COL11A1: variants seen among roughly 807,000 people sequenced by gnomAD.
COL11A1 encodes collagen alpha-1(XI) chain.
Under a neutral mutation model 265.2 loss-of-function variants are expected in COL11A1, and 74 were observed. The observed-to-expected ratio is 0.28, with a 90% CI of 0.23 to 0.34. The LOEUF is 0.34. COL11A1 is among the 10% of genes least tolerant of loss of function. The probability of loss-of-function intolerance (pLI) is 1.00; values close to 1 mark genes in which losing one functional copy is unlikely to be tolerated. For synonymous variants in COL11A1, 816 were observed against 727.6 expected (o/e 1.12, Z -1.96); for missense variants, 2,165 against 2,263.6 (o/e 0.96, Z 0.88).
chr1:102,964,714 C>T lies in COL11A1; in HGVS notation c.2916+773G>A, dbSNP rs1033252403. Among the ~76,000 whole-genome samples the T allele has an allele frequency of 3.4e-4, 51 of 151,724 alleles. 1 individual carries two copies. The highest frequency in any genetic ancestry group is 3.3e-3 in the Admixed American group (50 of 15,194). Reference sequence around the variant, plus strand: ...TTTAGAGACAGAGAAAAGACTAAACCAATTAAATAATTAAAATACGTATTC... The same window carrying T: ...TTTAGAGACAGAGAAAAGACTAAACTAATTAAATAATTAAAATACGTATTC... On this transcript the variant is annotated intron_variant, in intron 38 of 66. Coordinates refer to ENST00000370096, the MANE Select transcript of COL11A1 (RefSeq NM_001854.4).
chr1:103,003,428 T>C (rs1665318958), intron 20 of COL11A1, among the ~76,000 whole-genome samples, 160 bp from the exon 21 acceptor site: 1 of 152,166 alleles, frequency 6.6e-6, no homozygotes, highest in African/African-American at 2.4e-5. Context: ...AAATATCTAG[T>C]GTTTATACTG....
At chr1:103,030,373 T>C (rs1209472156) in intron 5 of COL11A1, among the ~76,000 whole-genome samples, 1 of 152,052 alleles carries the variant, frequency 6.6e-6, no homozygotes, top group African/African-American at 2.4e-5. Context: ...TGAATTCACA[T>C]GCAGAACTAA....
chr1:102,975,114 G>A (rs1192007539), intron 35 of COL11A1, among the ~76,000 whole-genome samples: 1 of 151,840 alleles, frequency 6.6e-6, no homozygotes, highest in Non-Finnish European at 1.5e-5. Flanking sequence ...GTTACCTCAG[G>A]AACACTGTAA....
At chr1:103,028,783 G>T (rs35196641) in intron 5 of COL11A1, among the ~76,000 whole-genome samples, 12,049 of 152,102 alleles carry the variant, frequency 0.079, 529 homozygotes, top group Middle Eastern at 0.14. Context: ...ATTTTGAAAA[G>T]CTAATTGTTT....
chr1:102,882,106 G>A (rs1232714069), intron 64 of COL11A1, among the ~76,000 whole-genome samples: 1 of 152,096 alleles, frequency 6.6e-6, no homozygotes, highest in Non-Finnish European at 1.5e-5. Context: ...TCCTCAAAAT[G>A]TCAGTCAGCT....
intron 65 of COL11A1, among the ~76,000 whole-genome samples, chr1:102,881,239 T>C (rs926175876): frequency 1.3e-5 from 2 of 152,170 alleles, no homozygotes; most frequent in Admixed American, 1.3e-4. Flanking sequence ...AATGAACTGG[T>C]AATTGTATGG....
At chr1:103,030,789 C>A (rs1483003562) in intron 5 of COL11A1, 1 of 343,798 alleles carries the variant, frequency 2.9e-6, no homozygotes, top group Non-Finnish European at 5.7e-6. Flanking sequence ...TATCTTGAGG[C>A]TGTTAATTAT....
intron 1 of COL11A1, among the ~76,000 whole-genome samples, chr1:103,091,982 T>C (rs1418560191): frequency 1.3e-5 from 2 of 152,162 alleles, no homozygotes; most frequent in Admixed American, 1.3e-4. Flanking sequence ...TGTAAATGTA[T>C]TTTCTTACAA....
chr1:102,968,824 C>G (rs1189952763), intron 37 of COL11A1, among the ~76,000 whole-genome samples: 1 of 152,182 alleles, frequency 6.6e-6, no homozygotes, highest in African/African-American at 2.4e-5. Flanking sequence ...GTTTAAATCT[C>G]AATGTTATAT....
At chr1:103,063,908 C>T (rs1670868317) in intron 4 of COL11A1, among the ~76,000 whole-genome samples, 1 of 152,030 alleles carries the variant, frequency 6.6e-6, no homozygotes, top group Non-Finnish European at 1.5e-5. Flanking sequence ...TGTTGAACAC[C>T]TCAACAAGGA....
chr1:103,022,665 G>T (rs1667189332), intron 8 of COL11A1, 77 bp downstream of exon 8: 1 of 1,570,074 alleles, frequency 6.4e-7, no homozygotes, highest in Non-Finnish European at 8.7e-7. Context: ...AACCTGAAAA[G>T]ACATTAAGAT....
intron 63 of COL11A1, chr1:102,884,650 G>C (rs1470837337): frequency 1.3e-5 from 2 of 152,426 alleles, no homozygotes; most frequent in African/African-American, 2.4e-5. Context: ...AAATGTGTGT[G>C]TGGCCCCTCC....
At chr1:102,962,394 G>T in intron 39 of COL11A1, 129 bp from the exon 40 acceptor site, 2 of 809,660 alleles carry the variant, frequency 2.5e-6, no homozygotes, top group Non-Finnish European at 4.2e-6. Context: ...AATATTGGGT[G>T]GAATGCCATA....
At position 102,998,299 on chromosome 1, in the gene COL11A1, C is replaced by A; in HGVS notation, c.2196+11G>T. On this transcript the variant is annotated intron_variant, in intron 25 of 66. Coordinates refer to ENST00000370096, the MANE Select transcript of COL11A1 (RefSeq NM_001854.4). The stretch of plus-strand genomic sequence containing the variant: ...TAAAGAAATTTTAATGACCAGGTAG[C>A]TGTTACTTACAGGAGGCCCATCAGC... The A allele has an allele frequency of 6.2e-7, 1 of 1,604,110 alleles. No individual in the cohort carries two copies. The highest frequency in any genetic ancestry group is 1.7e-5 in the Admixed American group (1 of 59,752).
At chr1:102,990,822 AAGG>A (rs1664055215) in intron 28 of COL11A1, among the ~76,000 whole-genome samples, 1 of 150,478 alleles carries the variant, frequency 6.6e-6, no homozygotes, top group Admixed American at 6.7e-5. Flanking sequence ...CATCTGAGGT[AAGG>A]AGTTCGAGAC....
intron 4 of COL11A1, among the ~76,000 whole-genome samples, chr1:103,038,000 A>G (rs1668508855): frequency 6.6e-6 from 1 of 152,198 alleles, no homozygotes; most frequent in Admixed American, 6.6e-5. Context: ...TGCAACATAC[A>G]GGTATCTCAA....
intron 12 of COL11A1, among the ~76,000 whole-genome samples, chr1:103,015,097 C>T (rs914909660): frequency 1.3e-5 from 2 of 151,878 alleles, no homozygotes; most frequent in African/African-American, 4.8e-5. Context: ...TGTAATATTC[C>T]TCTATAAAAT....
At chr1:103,012,855 T>C (rs1666240057) in intron 13 of COL11A1, among the ~76,000 whole-genome samples, 1 of 152,186 alleles carries the variant, frequency 6.6e-6, no homozygotes, top group Admixed American at 6.5e-5. Context: ...AAAATTCTTT[T>C]AGCAATATTT....
chr1:103,105,946 A>G, intron 1 of COL11A1, among the ~76,000 whole-genome samples: 1 of 152,352 alleles, frequency 6.6e-6, no homozygotes, highest in Middle Eastern at 3.4e-3. Context: ...AAATATAAAT[A>G]TCTAAACTAC....
Sources: allele counts gnomAD v4.1 joint callset (sites outside exome capture counted in the v4.1 genomes callset), GRCh38; gene constraint gnomAD v4.1.1; transcripts MANE v1.5; gene names NCBI Gene and HGNC (gene_info 2026-07-23, HGNC 2026-07-21).